The following PHKA1 variants were observed in gnomAD, a reference collection of about 807,000 sequenced individuals.
The protein encoded by PHKA1 is phosphorylase kinase regulatory subunit alpha 1.
In PHKA1, 60 loss-of-function variants were observed where a neutral mutation model predicts 110.2. That is an observed-to-expected ratio of 0.54 (90% CI 0.44 to 0.68). The LOEUF is 0.68. Among genes scored for constraint, PHKA1 ranks in the 30% least tolerant of loss-of-function variants. The probability of loss-of-function intolerance (pLI) is 0.00; values close to 1 mark genes in which losing one functional copy is unlikely to be tolerated. For synonymous variants in PHKA1, 316 were observed against 333.6 expected (o/e 0.95, Z 0.58); for missense variants, 801 against 942.5 (o/e 0.85, Z 1.97).
intron 29 of PHKA1, among the ~76,000 whole-genome samples, chrX:72,587,549 C>G (rs1398581046): frequency 9.0e-6 from 1 of 111,571 alleles, no homozygotes; most frequent in East Asian, 2.8e-4. Context: ...CACTAGCTAA[C>G]ATCGTAATGA....
chrX:72,610,067 C>A (rs1422107976), intron 22 of PHKA1, among the ~76,000 whole-genome samples: 1 of 110,915 alleles, frequency 9.0e-6, no homozygotes, highest in East Asian at 2.8e-4. Flanking sequence ...AATGATCAAA[C>A]CTGGGTAATT....
chrX:72,667,398 C>A lies in PHKA1; in HGVS notation c.694G>T (p.Ala232Ser). The change falls in exon 7 of 32, where the codon GCT (alanine) becomes TCT (serine). Residue 232 changes from alanine (A) to serine (S), a missense_variant. Physicochemically the swap from Ala to Ser is moderately conservative, Grantham distance 99. Around this residue, in one of 2 missense-constraint regions of PHKA1, gnomAD observed 299 missense variants for 423.3 expected, o/e 0.71. Coordinates refer to ENST00000373542, the MANE Select transcript of PHKA1 (RefSeq NM_002637.4). ...GGPQSVIHVLADEVQHCQSIL... is the reference protein window; with the variant it reads ...GGPQSVIHVLSDEVQHCQSIL... ...ACCTGGCAGTGCTGTACTTCATCAG[C>A]CAGGACATGGATAACTGATTGAGGC... 1 of 1,207,787 alleles carries A rather than the reference C, an allele frequency of 8.3e-7. No individual in the cohort carries two copies. The highest frequency in any genetic ancestry group is 1.1e-6 in the Non-Finnish European group (1 of 892,041).
Position 72,580,804 on chromosome X carries a change from T to C in PHKA1, c.*198A>G. ...ATACTCATAAGATTGTCACTGGTTC[T>C]GCAAGGTGAGCCTCCAGGTAAGTGT... On this transcript the variant is annotated 3_prime_UTR_variant, in exon 32 of 32. Coordinates refer to ENST00000373542, the MANE Select transcript of PHKA1 (RefSeq NM_002637.4). The C allele has an allele frequency of 2.2e-6, 1 of 461,036 alleles. No homozygotes were observed. Among genetic ancestry groups the C allele is most frequent in the Non-Finnish European group, 3.8e-6 (1 of 260,525 alleles). 38.0% of individuals were successfully genotyped at this position (461,036 alleles called of 1,213,427 possible). A position where few individuals can be genotyped will look rare whatever the true frequency, so the allele number is the denominator to read the frequency against.
At chrX:72,651,563 T>C (rs2053430006) in intron 12 of PHKA1, among the ~76,000 whole-genome samples, 1 of 110,614 alleles carries the variant, frequency 9.0e-6, no homozygotes, top group African/African-American at 3.3e-5. Context: ...TAAAATAAAT[T>C]TTAAAAAAAG....
intron 5 of PHKA1, among the ~76,000 whole-genome samples, chrX:72,680,736 G>T (rs1206983070): frequency 1.0e-5 from 1 of 97,406 alleles, no homozygotes; most frequent in African/African-American, 4.1e-5. Flanking sequence ...CCGCTGCCGC[G>T]ACCGACCGCA....
intron 22 of PHKA1, among the ~76,000 whole-genome samples, chrX:72,610,569 C>T (rs2052793782): frequency 1.8e-5 from 2 of 111,844 alleles, no homozygotes; most frequent in African/African-American, 6.5e-5. Flanking sequence ...GGGAATAGTG[C>T]TACAATAAAC....
intron 14 of PHKA1, among the ~76,000 whole-genome samples, chrX:72,639,555 AAAAAG>A (rs2053271425): frequency 1.8e-5 from 2 of 111,272 alleles, no homozygotes; most frequent in Admixed American, 1.9e-4. Context: ...GGAGAAAAAG[AAAAAG>A]AAAAGGGTAG....
At chrX:72,609,530 G>A (rs1402240974) in intron 23 of PHKA1, 94 bp downstream of exon 23, 11 of 610,187 alleles carry the variant, frequency 1.8e-5, no homozygotes, top group Admixed American at 1.3e-4. Flanking sequence ...AACATATGTA[G>A]GACATTATCA....
intron 6 of PHKA1, among the ~76,000 whole-genome samples, chrX:72,670,734 A>G (rs1475347231): frequency 8.9e-6 from 1 of 111,785 alleles, no homozygotes; most frequent in East Asian, 2.8e-4. Context: ...AAGCTTATCC[A>G]CCATGATCAA....
intron 13 of PHKA1, among the ~76,000 whole-genome samples, chrX:72,647,900 A>C (rs1472377172): frequency 8.9e-6 from 1 of 112,006 alleles, no homozygotes; most frequent in Non-Finnish European, 1.9e-5. Context: ...AGGTTGAAGG[A>C]AATTCAAGAG....
At chrX:72,653,052 G>T (rs2053449370) in intron 11 of PHKA1, among the ~76,000 whole-genome samples, 1 of 111,685 alleles carries the variant, frequency 9.0e-6, no homozygotes, top group African/African-American at 3.3e-5. Context: ...TTGGGAAAAT[G>T]ACAGTCTGAA....
chrX:72,648,245 C>T (rs540466876), intron 13 of PHKA1, among the ~76,000 whole-genome samples: 2 of 111,429 alleles, frequency 1.8e-5, no homozygotes, highest in South Asian at 3.8e-4. Context: ...AATGATCAAA[C>T]ATCAGAAGGA....
chrX:72,638,744 A>G (rs782080389), intron 14 of PHKA1, among the ~76,000 whole-genome samples: 33 of 111,751 alleles, frequency 3.0e-4, no homozygotes, highest in Non-Finnish European at 4.9e-4. Flanking sequence ...GTTTCAACTG[A>G]AAGCCCAAGG....
chrX:72,695,911 C>G (rs1455125129), intron 3 of PHKA1, 35 bp from the exon 4 acceptor site: 5 of 1,130,828 alleles, frequency 4.4e-6, no homozygotes, highest in Non-Finnish European at 6.1e-6. Context: ...GAAGGATATA[C>G]TGAAAAATCA....
chrX:72,614,251 G>C (rs920004531), intron 21 of PHKA1, among the ~76,000 whole-genome samples: 3 of 110,423 alleles, frequency 2.7e-5, no homozygotes, highest in Non-Finnish European at 5.7e-5. Flanking sequence ...AATAATATGC[G>C]TGTGTGATTG....
intron 14 of PHKA1, among the ~76,000 whole-genome samples, chrX:72,640,395 C>T (rs2053282919): frequency 9.0e-6 from 1 of 111,370 alleles, no homozygotes; most frequent in African/African-American, 3.3e-5. Flanking sequence ...CAGAAAAAGG[C>T]TATTTATGAA....
chrX:72,581,315 A>G, intron 31 of PHKA1, 140 bp from the exon 32 acceptor site: 1 of 483,571 alleles, frequency 2.1e-6, no homozygotes, highest in Admixed American at 3.0e-5. Flanking sequence ...TCCAGGAAGA[A>G]ATAGGTTTAT....
chrX:72,612,319 G>C (rs1399028064), intron 21 of PHKA1, among the ~76,000 whole-genome samples: 3 of 111,652 alleles, frequency 2.7e-5, no homozygotes, highest in African/African-American at 9.8e-5. Flanking sequence ...CTAGGGCTGG[G>C]GGAATGGAGG....
chrX:72,626,834 G>C (rs192449302), intron 17 of PHKA1, 137 bp downstream of exon 17: 1 of 537,765 alleles, frequency 1.9e-6, no homozygotes, highest in East Asian at 3.5e-5. Flanking sequence ...GTTGACCACG[G>C]GTAACTGAAA....
Sources: gnomAD v4.1 joint callset for allele counts (sites outside exome capture counted in the v4.1 genomes callset) on GRCh38, gnomAD v4.1.1 for gene constraint, gnomAD v4.1.1 regional missense constraint, MANE v1.5 for transcripts, NCBI Gene and HGNC (gene_info 2026-07-23, HGNC 2026-07-21) for gene names.